Variants in PLAC1 observed in about 807,000 individuals in gnomAD.
PLAC1 encodes placenta associated 1.
For synonymous variants in PLAC1, 68 were observed against 62.1 expected (o/e 1.09, Z -0.44); for missense variants, 136 against 163.2 (o/e 0.83, Z 0.91).
intron 2 of PLAC1, among the ~76,000 whole-genome samples, chrX:134,578,601 C>G (rs1182754859): frequency 1.8e-4 from 18 of 101,173 alleles, no homozygotes; most frequent in Non-Finnish European, 3.2e-4. Flanking sequence ...TTACTGCAGC[C>G]TCATCTCCTG....
At chrX:134,614,535 T>C (rs1352066666) in intron 1 of PLAC1, among the ~76,000 whole-genome samples, 1 of 111,582 alleles carries the variant, frequency 9.0e-6, no homozygotes, top group Non-Finnish European at 1.9e-5. Context: ...GGTTCAGCCA[T>C]GTTGTCACAA....
intron 2 of PLAC1, among the ~76,000 whole-genome samples, chrX:134,722,811 T>A (rs781103064): frequency 9.0e-6 from 1 of 111,530 alleles, no homozygotes; most frequent in Non-Finnish European, 1.9e-5. Context: ...TTCTTCTTAC[T>A]TATGTAAACA....
At chrX:134,687,224 C>T (rs767412448) in intron 2 of PLAC1, among the ~76,000 whole-genome samples, 2 of 111,590 alleles carry the variant, frequency 1.8e-5, no homozygotes, top group South Asian at 3.8e-4. Flanking sequence ...CCTGCCAAAA[C>T]AAAACTCTCC....
intron 2 of PLAC1, among the ~76,000 whole-genome samples, chrX:134,719,479 T>C (rs758426443): frequency 2.7e-5 from 3 of 111,643 alleles, no homozygotes; most frequent in Non-Finnish European, 3.8e-5. Context: ...TCCTTCATGA[T>C]AAAAGCACTC....
At chrX:134,628,139 T>C (rs1393340050) in intron 1 of PLAC1, among the ~76,000 whole-genome samples, 1 of 112,400 alleles carries the variant, frequency 8.9e-6, no homozygotes, top group Non-Finnish European at 1.9e-5. Flanking sequence ...GTAGCTATTA[T>C]TAATGTTATT....
At chrX:134,703,625 T>C (rs369219261) in intron 2 of PLAC1, among the ~76,000 whole-genome samples, 5 of 110,870 alleles carry the variant, frequency 4.5e-5, no homozygotes, top group Non-Finnish European at 7.6e-5. Context: ...GGTAAACATA[T>C]AGATAAATTT....
intron 2 of PLAC1, among the ~76,000 whole-genome samples, chrX:134,665,206 A>G (rs1237723697): frequency 9.0e-6 from 1 of 110,975 alleles, no homozygotes; most frequent in Non-Finnish European, 1.9e-5. Context: ...GCTTCTTAGA[A>G]GGTTCCCTCA....
At chrX:134,669,848 C>CT (rs2078449556) in intron 2 of PLAC1, among the ~76,000 whole-genome samples, 1 of 112,186 alleles carries the variant, frequency 8.9e-6, no homozygotes, top group Admixed American at 9.3e-5. Context: ...CCGAAGTCTC[C>CT]TGTTTCTCCC....
rs192512542 is a variant in PLAC1, at chrX:134,610,739, C to A, written c.-130-8617G>T. Among the ~76,000 whole-genome samples the A allele has an allele frequency of 5.3e-3, 596 of 112,111 alleles. 3 individuals are homozygous for A. The highest frequency in any genetic ancestry group is 0.018 in the African/African-American group (568 of 30,888). On this transcript the variant is annotated intron_variant, in intron 1 of 2. Transcript: ENST00000359237. ...AGTTTCTGAACTGATATGACTACAA[C>A]AACCAGTAATCCTGCCTCATGTAAA...
intron 1 of PLAC1, among the ~76,000 whole-genome samples, chrX:134,606,551 G>A (rs2078123959): frequency 8.9e-6 from 1 of 111,829 alleles, no homozygotes; most frequent in South Asian, 3.7e-4. Flanking sequence ...TGGAGAAAAG[G>A]GAATGCTTAT....
At chrX:134,653,764 C>A (rs996721759) in intron 1 of PLAC1, among the ~76,000 whole-genome samples, 2 of 111,725 alleles carry the variant, frequency 1.8e-5, no homozygotes, top group African/African-American at 6.5e-5. Flanking sequence ...TTAAAAAAGT[C>A]ATTTCTTAGA....
At chrX:134,620,868 A>G (rs1472312527) in intron 1 of PLAC1, among the ~76,000 whole-genome samples, 2 of 112,480 alleles carry the variant, frequency 1.8e-5, no homozygotes, top group Non-Finnish European at 3.7e-5. Context: ...TCATATATTC[A>G]TTGCTTTCTT....
chrX:134,718,269 T>C (rs969487085), intron 2 of PLAC1, among the ~76,000 whole-genome samples: 1 of 111,651 alleles, frequency 9.0e-6, no homozygotes, highest in African/African-American at 3.3e-5. Context: ...TCCAGAGACT[T>C]AGCTCCTAAT....
At chrX:134,581,723 C>A (rs2077975996) in intron 2 of PLAC1, among the ~76,000 whole-genome samples, 1 of 110,860 alleles carries the variant, frequency 9.0e-6, no homozygotes. Flanking sequence ...AAGTGATCCA[C>A]CCGCCTCGGC....
chrX:134,709,357 G>A (rs1329347922), intron 2 of PLAC1, among the ~76,000 whole-genome samples: 6 of 112,529 alleles, frequency 5.3e-5, no homozygotes, highest in Admixed American at 1.9e-4. Context: ...CAGGCACAGT[G>A]GCTCACGCCT....
chrX:134,708,177 A>T (rs998178897), intron 2 of PLAC1, among the ~76,000 whole-genome samples: 1 of 112,191 alleles, frequency 8.9e-6, no homozygotes, highest in African/African-American at 3.2e-5. Flanking sequence ...CCAGGAAAGA[A>T]GAGAACTGCC....
chrX:134,719,131 C>T (rs2078651026), intron 2 of PLAC1, among the ~76,000 whole-genome samples: 2 of 111,643 alleles, frequency 1.8e-5, no homozygotes, highest in South Asian at 7.5e-4. Context: ...TTTTGTCATG[C>T]TGAAAATGTC....
intron 1 of PLAC1, chrX:134,651,317 A>C (rs1343135441): frequency 5.2e-6 from 1 of 192,792 alleles, no homozygotes; most frequent in African/African-American, 3.0e-5. Context: ...AGCACAGCAG[A>C]ACAATGTGGC....
chrX:134,631,918 A>G (rs1453717690), intron 1 of PLAC1, among the ~76,000 whole-genome samples: 1 of 112,213 alleles, frequency 8.9e-6, no homozygotes, highest in East Asian at 2.8e-4. Flanking sequence ...CTTTTGGAAA[A>G]TGGGATTTTG....
Sources: gnomAD v4.1 joint callset for allele counts (sites outside exome capture counted in the v4.1 genomes callset) on GRCh38, gnomAD v4.1.1 for gene constraint, MANE v1.5 for transcripts, NCBI Gene and HGNC (gene_info 2026-07-23, HGNC 2026-07-21) for gene names.